KCNMA1: variants seen among roughly 807,000 people sequenced by gnomAD.
KCNMA1 encodes Calcium-activated potassium channel subunit alpha-1.
KCNMA1 carries 29 observed loss-of-function variants against 140.0 expected under a neutral mutation model. The ratio of observed to expected loss-of-function variants is 0.21; its 90% CI spans 0.15 to 0.28. KCNMA1 has a LOEUF of 0.28. Among genes scored for constraint, KCNMA1 ranks in the 10% least tolerant of loss-of-function variants. KCNMA1 has a pLI of 1.00. For missense variants in KCNMA1, 880 were observed against 1,602.2 expected (o/e 0.55, Z 7.70); for synonymous variants, 612 against 611.9 (o/e 1.00, Z 0.00).
intron 1 of KCNMA1, among the ~76,000 whole-genome samples, chr10:77,631,005 G>A (rs1336447234): frequency 1.3e-5 from 2 of 150,266 alleles, no homozygotes; most frequent in African/African-American, 4.9e-5. Context: ...TACTTGGGGA[G>A]CTGAGGCAAG....
chr10:76,912,293 G>A (rs1443941876), intron 24 of KCNMA1: 1 of 152,196 alleles, frequency 6.6e-6, no homozygotes, highest in Non-Finnish European at 1.5e-5. Flanking sequence ...AGGAGCCTTT[G>A]CCATGCTAAC....
chr10:77,481,056 T>C (rs2098386526), intron 1 of KCNMA1, among the ~76,000 whole-genome samples: 1 of 150,444 alleles, frequency 6.6e-6, no homozygotes. Context: ...AGGGGGAGGT[T>C]CCAGTGAGCT....
At chr10:77,614,360 G>A (rs2088440981) in intron 1 of KCNMA1, among the ~76,000 whole-genome samples, 2 of 152,092 alleles carry the variant, frequency 1.3e-5, no homozygotes, top group Admixed American at 6.5e-5. Context: ...TGTCTCAGTG[G>A]CCCACAGACC....
At chr10:77,472,899 G>A (rs2098195793) in intron 1 of KCNMA1, among the ~76,000 whole-genome samples, 1 of 152,182 alleles carries the variant, frequency 6.6e-6, no homozygotes, top group Non-Finnish European at 1.5e-5. Flanking sequence ...GGCTCCAGGT[G>A]CACTTACTCT....
chr10:77,157,451 GAT>G (rs71735982), intron 5 of KCNMA1, among the ~76,000 whole-genome samples: 22,219 of 150,544 alleles, frequency 0.15, 1,987 homozygotes, highest in African/African-American at 0.25. Flanking sequence ...AATGTTTTAT[GAT>G]ATTTGCTTTG....
chr10:77,238,027 C>A (rs2056132729), intron 3 of KCNMA1, among the ~76,000 whole-genome samples: 1 of 152,198 alleles, frequency 6.6e-6, no homozygotes, highest in South Asian at 2.1e-4. Context: ...GCCTTCCCTG[C>A]ACCAATTAAA....
At chr10:77,194,872 T>A (rs1304929686) in intron 3 of KCNMA1, among the ~76,000 whole-genome samples, 2 of 152,194 alleles carry the variant, frequency 1.3e-5, no homozygotes, top group Non-Finnish European at 2.9e-5. Context: ...AAACAGTTGT[T>A]CCATTTATCT....
At chr10:77,255,394 G>A (rs1246432722) in intron 2 of KCNMA1, among the ~76,000 whole-genome samples, 1 of 151,780 alleles carries the variant, frequency 6.6e-6, no homozygotes, top group Admixed American at 6.6e-5. Flanking sequence ...GAGGCCAGGA[G>A]TTCTAGACCA....
chr10:77,364,405 C>T (rs1044820202), intron 2 of KCNMA1, among the ~76,000 whole-genome samples: 2 of 151,744 alleles, frequency 1.3e-5, no homozygotes, highest in Admixed American at 6.6e-5. Context: ...GAGCCAAGAT[C>T]GTGCCACTGC....
At chr10:76,904,101 C>CTGTGAAAGA (rs2046779316) in intron 25 of KCNMA1, 1 of 152,196 alleles carries the variant, frequency 6.6e-6, no homozygotes. Flanking sequence ...CGTATCTGCT[C>CTGTGAAAGA]TGTGAAAGAT....
chr10:77,622,480 G>A (rs1191669762), intron 1 of KCNMA1, among the ~76,000 whole-genome samples: 2 of 152,288 alleles, frequency 1.3e-5, no homozygotes, highest in East Asian at 1.9e-4. Context: ...CAACCTCTCT[G>A]TGCCTCAGTT....
intron 1 of KCNMA1, among the ~76,000 whole-genome samples, chr10:77,417,439 C>T (rs1018199712): frequency 2.6e-5 from 4 of 152,192 alleles, no homozygotes; most frequent in Non-Finnish European, 4.4e-5. Context: ...GCATCACTGA[C>T]GTCTGGGTAA....
chr10:77,245,530 T>C (rs1168637469), intron 3 of KCNMA1, among the ~76,000 whole-genome samples: 3 of 152,152 alleles, frequency 2.0e-5, no homozygotes, highest in African/African-American at 7.2e-5. Context: ...TTCAAAGACC[T>C]CCATCCTATG....
intron 1 of KCNMA1, among the ~76,000 whole-genome samples, chr10:77,534,212 T>C (rs1185533705): frequency 6.6e-6 from 1 of 152,216 alleles, no homozygotes; most frequent in African/African-American, 2.4e-5. Flanking sequence ...CTATGTTATT[T>C]ATAATAGCCA....
intron 14 of KCNMA1, among the ~76,000 whole-genome samples, chr10:77,052,675 G>A (rs1200349038): frequency 6.6e-6 from 1 of 151,440 alleles, no homozygotes; most frequent in Non-Finnish European, 1.5e-5. Flanking sequence ...TACTTGTCCA[G>A]CTTGTATTTG....
intron 1 of KCNMA1, among the ~76,000 whole-genome samples, chr10:77,593,015 T>A (rs1243085494): frequency 1.3e-5 from 2 of 152,188 alleles, no homozygotes; most frequent in African/African-American, 4.8e-5. Context: ...AGTTCCTACT[T>A]TCTCCTCTCT....
rs78187426 is a variant in KCNMA1 at position 77,390,112 on chromosome 10, T to A, written c.540+13750A>T. ...GGACAGTGAAGGGGATAAGAAAACA[T>A]AAAGATATTTTGGGCTGCAAGGGAA... On this transcript the variant is annotated intron_variant, in intron 2 of 27. Coordinates refer to ENST00000286628, the MANE Select transcript of KCNMA1 (RefSeq NM_001161352.2). Among the ~76,000 whole-genome samples, 36 of 152,232 alleles carry A rather than the reference T, an allele frequency of 2.4e-4. 1 individual carries two copies. The East Asian group carries it at 6.2e-3, about 26-fold the overall frequency.
rs200677716 is a variant in KCNMA1, at chr10:76,886,484, T to G, written c.*782A>C. 6 of 984,920 alleles carry G rather than the reference T, an allele frequency of 6.1e-6. No individual in the cohort carries two copies. Among genetic ancestry groups the G allele is most frequent in the Non-Finnish European group, 7.2e-6 (6 of 829,468 alleles). The allele number at this position is 984,920 out of a possible 1,614,324, so 61.0% of individuals were successfully genotyped here. On this transcript the variant is annotated 3_prime_UTR_variant, in exon 28 of 28. Transcript: ENST00000286628. ...CAACATAAGGAGACAGAATAACAATTTAATATGCAATCAAACCTCTTTTCA... is the reference window on the plus strand; with the variant it reads ...CAACATAAGGAGACAGAATAACAATGTAATATGCAATCAAACCTCTTTTCA...
rs143634890 is a variant in KCNMA1 at position 77,320,444 on chromosome 10, G to A, written c.541-69188C>T. On this transcript the variant is annotated intron_variant, in intron 2 of 27. Transcript: ENST00000286628. ...ATGTGGCTCTGGGTGCCAAAGCTGAGGCTGAGACCCTAGGCACACTCAAAG... is the reference window on the plus strand; with the variant it reads ...ATGTGGCTCTGGGTGCCAAAGCTGAAGCTGAGACCCTAGGCACACTCAAAG... Among the ~76,000 whole-genome samples the A allele has an allele frequency of 2.1e-3, 314 of 152,204 alleles. 1 individual carries two copies. Among genetic ancestry groups the A allele is most frequent in the African/African-American group, 7.1e-3 (294 of 41,512 alleles).
Sources: allele counts gnomAD v4.1 joint callset (sites outside exome capture counted in the v4.1 genomes callset), GRCh38; gene constraint gnomAD v4.1.1; transcripts MANE v1.5; gene names NCBI Gene and HGNC (gene_info 2026-07-23, HGNC 2026-07-21).